DNAJC6: variants seen among roughly 807,000 people sequenced by gnomAD.
DNAJC6 encodes the protein DnaJ heat shock protein family (Hsp40) member C6.
A neutral mutation model predicts 110.0 loss-of-function variants in DNAJC6; 34 were observed. The observed-to-expected ratio is 0.31, with a 90% CI of 0.24 to 0.41. The LOEUF (loss-of-function observed/expected upper bound fraction) is 0.41, where lower values mean the gene tolerates loss of function less well. Ranked by LOEUF, DNAJC6 falls within the 10% of genes least tolerant of loss-of-function variation. The pLI is 1.00. For missense variants in DNAJC6, 1,031 were observed against 1,207.8 expected, an observed-to-expected ratio of 0.85 and a Z score of 2.17; for synonymous variants, 406 against 437.2, an observed-to-expected ratio of 0.93 and a Z score of 0.89.
intron 4 of DNAJC6, among the ~76,000 whole-genome samples, chr1:65,368,640 C>T (rs1397605146): frequency 6.7e-6 from 1 of 149,742 alleles, no homozygotes; most frequent in African/African-American, 2.5e-5. Flanking sequence ...TCCTCCTCCT[C>T]ATTCTTCTTC....
At chr1:65,303,467 G>T (rs1645008483) in intron 1 of DNAJC6, among the ~76,000 whole-genome samples, 1 of 152,066 alleles carries the variant, frequency 6.6e-6, no homozygotes, top group Non-Finnish European at 1.5e-5. Flanking sequence ...CTTATGTTGT[G>T]ACTTAAAATG....
intron 5 of DNAJC6, among the ~76,000 whole-genome samples, chr1:65,380,988 G>A (rs1413519191): frequency 7.5e-6 from 1 of 133,598 alleles, no homozygotes; most frequent in African/African-American, 2.8e-5. Context: ...GCACAATCTC[G>A]GCTCACTGCA....
At chr1:65,272,072 G>T in intron 1 of DNAJC6, among the ~76,000 whole-genome samples, 1 of 152,080 alleles carries the variant, frequency 6.6e-6, no homozygotes, top group East Asian at 1.9e-4. Context: ...CATTGCACTA[G>T]CTAGGATCTC....
intron 1 of DNAJC6, among the ~76,000 whole-genome samples, chr1:65,331,965 C>T (rs1204397346): frequency 1.3e-5 from 2 of 152,186 alleles, no homozygotes; most frequent in African/African-American, 4.8e-5. Context: ...TCTCCTGCTG[C>T]CACATGTTCC....
intron 1 of DNAJC6, among the ~76,000 whole-genome samples, chr1:65,353,529 C>A (rs568863496): frequency 1.3e-5 from 2 of 152,322 alleles, no homozygotes; most frequent in South Asian, 4.1e-4. Flanking sequence ...ATGTTACATC[C>A]ATTTGACTGG....
intron 1 of DNAJC6, chr1:65,345,732 G>A (rs1645431253): frequency 1.7e-5 from 16 of 962,898 alleles, no homozygotes; most frequent in Non-Finnish European, 2.0e-5. Context: ...AGGTAAGGGT[G>A]TACTTTTGGC....
chr1:65,323,542 C>T (rs1256551985), intron 1 of DNAJC6, among the ~76,000 whole-genome samples: 6 of 152,164 alleles, frequency 3.9e-5, no homozygotes, highest in Non-Finnish European at 7.3e-5. Context: ...TACCCAGGCT[C>T]AGGTAGTTCC....
chr1:65,318,972 C>A (rs943634242), intron 1 of DNAJC6, among the ~76,000 whole-genome samples: 5 of 151,806 alleles, frequency 3.3e-5, no homozygotes, highest in Non-Finnish European at 5.9e-5. Flanking sequence ...AGTGGAGGAC[C>A]AGGAGAACAA....
At position 65,408,698 on chromosome 1, in the gene DNAJC6, C is replaced by A; in HGVS notation, c.2549C>A (p.Ala850Asp). The change falls in exon 17 of 19, where the codon GCT (alanine) becomes GAT (aspartate). Residue 850 changes from alanine to aspartate, a missense_variant. Coordinates refer to ENST00000371069, the MANE Select transcript of DNAJC6 (RefSeq NM_001256864.2). ...EDLLSGQGFN[A>D]HKDKKGPRTI... ...CTACTCTCTGGTCAAGGTTTCAATG[C>A]TCACAAAGACAAAAAGGGGCCTCGG... The A allele has an allele frequency of 3.7e-6, 6 of 1,614,040 alleles. No homozygotes were observed. Among genetic ancestry groups the A allele is most frequent in the Non-Finnish European group, 5.1e-6 (6 of 1,179,950 alleles).
intron 1 of DNAJC6, among the ~76,000 whole-genome samples, chr1:65,287,686 C>T (rs12069676): frequency 0.12 from 17,700 of 152,140 alleles, 1,520 homozygotes; most frequent in African/African-American, 0.24. Flanking sequence ...TCACTGCAGC[C>T]GTGACCTCCT....
chr1:65,378,910 C>T (rs1451824236), intron 4 of DNAJC6, among the ~76,000 whole-genome samples: 1 of 152,058 alleles, frequency 6.6e-6, no homozygotes, highest in Non-Finnish European at 1.5e-5. Flanking sequence ...CAAGGGTTTC[C>T]CCTGTAAGTT....
chr1:65,406,212 G>T (rs1339214497), intron 16 of DNAJC6, 79 bp downstream of exon 16: 10 of 1,518,816 alleles, frequency 6.6e-6, no homozygotes, highest in African/African-American at 4.2e-5. Context: ...CTCTCTGAAG[G>T]TGACAGTATT....
intron 16 of DNAJC6, 89 bp from the exon 17 acceptor site, chr1:65,408,552 A>C (rs1414156964): frequency 3.4e-6 from 5 of 1,469,754 alleles, no homozygotes; most frequent in Non-Finnish European, 4.6e-6. Flanking sequence ...TATTAAAAAC[A>C]CCTTGAAGAC....
At position 65,405,693 on chromosome 1, in the gene DNAJC6, T is replaced by A. The variant is rs1212890064; in HGVS notation, c.2228-177T>A. Among the ~76,000 whole-genome samples the A allele has an allele frequency of 2.0e-5, 3 of 152,150 alleles. No individual in the cohort carries two copies. In the East Asian group the frequency reaches 5.8e-4, roughly 29 times the overall value. ...ATTAAAACATACCTAGAAATGTTAT[T>A]GTGGGGATGAAGGAAATAATATGTA... On this transcript the variant is annotated intron_variant, in intron 15 of 18. Coordinates refer to ENST00000371069, the MANE Select transcript of DNAJC6 (RefSeq NM_001256864.2).
At chr1:65,384,133 T>G in intron 5 of DNAJC6, 60 bp from the exon 6 acceptor site, 1 of 1,349,514 alleles carries the variant, frequency 7.4e-7, no homozygotes, top group South Asian at 2.4e-5. Context: ...TCTGCCATTT[T>G]CAATGGAGAA....
intron 16 of DNAJC6, 108 bp downstream of exon 16, chr1:65,406,241 C>T: frequency 7.0e-7 from 1 of 1,425,102 alleles, no homozygotes; most frequent in Non-Finnish European, 9.5e-7. Context: ...AGTTTCAATT[C>T]AGTAGTTTCT....
chr1:65,276,162 G>A (rs1183374580), intron 1 of DNAJC6, among the ~76,000 whole-genome samples: 1 of 152,172 alleles, frequency 6.6e-6, no homozygotes, highest in Non-Finnish European at 1.5e-5. Flanking sequence ...GATTATAGGC[G>A]TGGGCCACCG....
In DNAJC6 at chr1:65,414,143, C is replaced by A. The variant is rs568501439; in HGVS notation, c.*1118C>A. 1.3e-5 allele frequency: 2 copies of A among 152,192 alleles called. No homozygotes were observed. Among genetic ancestry groups the A allele is most frequent in the Non-Finnish European group, 2.9e-5 (2 of 68,052 alleles). The allele number at this position is 152,192 out of a possible 1,614,324, so 9.4% of individuals were successfully genotyped here. On this transcript the variant is annotated 3_prime_UTR_variant, in exon 19 of 19. Transcript: ENST00000371069. The stretch of plus-strand genomic sequence containing the variant: ...CACCTCCCCACAAGGCAAATCTAGA[C>A]CCATTAAATTATTACAGTGGGCTTT...
At position 65,389,631 on chromosome 1, in the gene DNAJC6, T is replaced by A; in HGVS notation, c.1468+4T>A. On this transcript the variant is annotated splice_donor_region_variant and intron_variant, in intron 11 of 18. Transcript: ENST00000371069. ...TTTGCCTCTCTCTGTTGGCAAGGTA[T>A]TTACAAGTGTTTCTTTAAGTCACAT... 1 of 1,613,544 alleles carries A rather than the reference T, an allele frequency of 6.2e-7. No homozygotes were observed. The highest frequency in any genetic ancestry group is 8.5e-7 in the Non-Finnish European group (1 of 1,179,454).
Sources: allele counts gnomAD v4.1 joint callset (sites outside exome capture counted in the v4.1 genomes callset), GRCh38; gene constraint gnomAD v4.1.1; transcripts MANE v1.5; gene names NCBI Gene and HGNC (gene_info 2026-07-23, HGNC 2026-07-21).